Variants in XPNPEP1 observed in about 807,000 individuals in gnomAD.
XPNPEP1 encodes xaa-Pro aminopeptidase 1.
Under a neutral mutation model 92.4 loss-of-function variants are expected in XPNPEP1, and 39 were observed. The ratio of observed to expected loss-of-function variants is 0.42; its 90% CI spans 0.33 to 0.55. The LOEUF is 0.55. Ranked by LOEUF, XPNPEP1 falls within the 20% of genes least tolerant of loss-of-function variation. XPNPEP1 has a pLI of 0.08. For synonymous variants in XPNPEP1, 307 were observed against 299.4 expected, an observed-to-expected ratio of 1.03 and a Z score of -0.26; for missense variants, 654 against 856.1, an observed-to-expected ratio of 0.76 and a Z score of 2.95.
intron 8 of XPNPEP1, 107 bp from the exon 9 acceptor site, chr10:109,884,255 G>T: frequency 9.4e-7 from 1 of 1,068,150 alleles, no homozygotes; most frequent in Non-Finnish European, 1.4e-6. Context: ...GCTGCGCAAG[G>T]ATTCAGTGGA....
chr10:109,877,636 A>T, intron 14 of XPNPEP1, 154 bp downstream of exon 14: 1 of 961,048 alleles, frequency 1.0e-6, no homozygotes, highest in East Asian at 2.6e-5. Flanking sequence ...GGGAGAAAAT[A>T]AAATCTTAGA....
At chr10:109,890,607 A>T (rs1211367653) in intron 5 of XPNPEP1, among the ~76,000 whole-genome samples, 35 of 151,312 alleles carry the variant, frequency 2.3e-4, no homozygotes, top group African/African-American at 5.3e-4. Flanking sequence ...AGAGAGAGAG[A>T]GAGAGAGAGA....
chr10:109,895,020 C>T (rs1323110415), intron 3 of XPNPEP1, among the ~76,000 whole-genome samples: 1 of 152,202 alleles, frequency 6.6e-6, no homozygotes, highest in Non-Finnish European at 1.5e-5. Context: ...TAATGTCTTT[C>T]AAAACTCACC....
chr10:109,891,574 T>C (rs1848705503), intron 5 of XPNPEP1, 148 bp downstream of exon 5: 2 of 603,058 alleles, frequency 3.3e-6, no homozygotes, highest in Non-Finnish European at 2.8e-6. Flanking sequence ...TGTATAGGCA[T>C]GCCATTTTTT....
chr10:109,884,770 G>C (rs950136748), intron 8 of XPNPEP1, among the ~76,000 whole-genome samples: 1 of 152,248 alleles, frequency 6.6e-6, no homozygotes, highest in Non-Finnish European at 1.5e-5. Flanking sequence ...CGGACAGCCA[G>C]TAACAGTGAT....
At chr10:109,914,455 AC>A (rs1454803883) in intron 2 of XPNPEP1, among the ~76,000 whole-genome samples, 1 of 152,148 alleles carries the variant, frequency 6.6e-6, no homozygotes, top group Non-Finnish European at 1.5e-5. Flanking sequence ...AACGAAAAAA[AC>A]AAACAACAAA....
At chr10:109,877,487 A>C in intron 14 of XPNPEP1, 1 of 294,910 alleles carries the variant, frequency 3.4e-6, no homozygotes, top group East Asian at 6.6e-5. Flanking sequence ...AAACTTAGTC[A>C]TCAAGATGCA....
chr10:109,893,398 C>G (rs1848809934), intron 3 of XPNPEP1: 1 of 227,456 alleles, frequency 4.4e-6, no homozygotes, highest in African/African-American at 2.3e-5. Context: ...ATAGCCTTCT[C>G]CCCTCCTTGC....
At chr10:109,893,499 G>C (rs574813940) in intron 3 of XPNPEP1, 1 of 159,860 alleles carries the variant, frequency 6.3e-6, no homozygotes, top group South Asian at 1.8e-4. Context: ...AGTTTCTGTA[G>C]ATACTGACTT....
At chr10:109,882,713 C>T in intron 9 of XPNPEP1, 71 bp from the exon 10 acceptor site, 2 of 1,506,988 alleles carry the variant, frequency 1.3e-6, no homozygotes, top group Non-Finnish European at 1.8e-6. Context: ...CACAGACACA[C>T]ATACACATCA....
intron 2 of XPNPEP1, 36 bp downstream of exon 2, chr10:109,914,975 C>G: frequency 2.1e-6 from 3 of 1,407,958 alleles, no homozygotes; most frequent in Non-Finnish European, 2.9e-6. Flanking sequence ...AAATCCTTTA[C>G]AGATGTTCCA....
intron 3 of XPNPEP1, among the ~76,000 whole-genome samples, chr10:109,901,807 G>C (rs1447364479): frequency 1.3e-5 from 2 of 152,168 alleles, no homozygotes; most frequent in Non-Finnish European, 2.9e-5. Context: ...TCTAAACACA[G>C]ATCAAATATT....
chr10:109,870,901 T>A lies in XPNPEP1; in HGVS notation c.1526A>T (p.His509Leu), dbSNP rs1477885515. Residue 509 changes from histidine (H) to leucine (L), a missense_variant, in exon 18 of 21, where the codon CAC becomes CTC. Physicochemically the swap from His to Leu is moderately conservative, Grantham distance 99 (BLOSUM62 -3). Transcript: ENST00000502935. ...AAVFPTGTKG[H>L]LLDSFARSAL... Reference sequence around the variant, plus strand: ...TGAACGGGCAAAGGAGTCAAGAAGGTGACCTGAAAGACATAAAGAGCCACT... The same window carrying A: ...TGAACGGGCAAAGGAGTCAAGAAGGAGACCTGAAAGACATAAAGAGCCACT... The A allele has an allele frequency of 1.2e-6, 2 of 1,613,162 alleles. No homozygotes were observed. Among genetic ancestry groups the A allele is most frequent in the African/African-American group, 1.3e-5 (1 of 74,824 alleles).
chr10:109,885,440 G>A (rs1848337510), intron 8 of XPNPEP1, among the ~76,000 whole-genome samples: 1 of 151,780 alleles, frequency 6.6e-6, no homozygotes, highest in African/African-American at 2.4e-5. Context: ...TCATGGGATT[G>A]TGTTTTTGTT....
chr10:109,880,999 CT>C (rs1848063675), intron 10 of XPNPEP1, 68 bp from the exon 11 acceptor site: 3 of 1,463,468 alleles, frequency 2.0e-6, no homozygotes, highest in Admixed American at 1.9e-5. Flanking sequence ...AGGCAACAAC[CT>C]TTTTGCTCAG....
intron 1 of XPNPEP1, among the ~76,000 whole-genome samples, chr10:109,918,892 G>A (rs1466464996): frequency 7.4e-6 from 1 of 135,166 alleles, no homozygotes; most frequent in Non-Finnish European, 1.6e-5. Flanking sequence ...AGGAAGGAAG[G>A]AAGGAAGGAA....
At chr10:109,911,780 G>C (rs1041677059) in intron 2 of XPNPEP1, among the ~76,000 whole-genome samples, 2 of 152,134 alleles carry the variant, frequency 1.3e-5, no homozygotes, top group Admixed American at 1.3e-4. Context: ...GTTTTAAAAT[G>C]CAAAAATATA....
intron 1 of XPNPEP1, among the ~76,000 whole-genome samples, chr10:109,917,743 G>A (rs1850270698): frequency 6.6e-6 from 1 of 152,200 alleles, no homozygotes. Flanking sequence ...ACAAGACAGT[G>A]TGGTGCTAGC....
rs185902799 is a variant in XPNPEP1, at chr10:109,867,591, G to T, written c.1872+1023C>A. On this transcript the variant is annotated intron_variant, in intron 20 of 20. Transcript: ENST00000502935. This position sits in a 1 kb window ranked among gnomAD's most constrained non-coding sequence, Gnocchi z 4.5. ...GAGAATCCCATTCCACAGCTCCTGT[G>T]GAAGGGAAGGTCCTTAACCCCCAAA... Among the ~76,000 whole-genome samples the T allele has an allele frequency of 7.2e-5, 11 of 152,328 alleles. No homozygotes were observed. Among genetic ancestry groups the T allele is most frequent in the South Asian group, 4.1e-4 (2 of 4,826 alleles).
Sources: allele counts gnomAD v4.1 joint callset (sites outside exome capture counted in the v4.1 genomes callset), GRCh38; gene constraint gnomAD v4.1.1; non-coding constraint Gnocchi (gnomAD v3.1); transcripts MANE v1.5; gene names NCBI Gene and HGNC (gene_info 2026-07-23, HGNC 2026-07-21).